The following RABGAP1L variants were observed in gnomAD, a reference collection of about 807,000 sequenced individuals.
RABGAP1L encodes the protein rab GTPase-activating protein 1-like.
A neutral mutation model predicts 137.7 loss-of-function variants in RABGAP1L; 63 were observed. That is an observed-to-expected ratio of 0.46 (90% CI 0.37 to 0.56). The LOEUF is 0.56. Among genes scored for constraint, RABGAP1L ranks in the 20% least tolerant of loss-of-function variants. The pLI, the probability that RABGAP1L is intolerant of heterozygous loss-of-function variation, is 0.00. For missense variants in RABGAP1L, 1,095 were observed against 1,244.0 expected (o/e 0.88, Z 1.80); for synonymous variants, 431 against 433.7 (o/e 0.99, Z 0.08).
At chr1:174,445,033 A>G (rs1654591012) in intron 13 of RABGAP1L, among the ~76,000 whole-genome samples, 1 of 152,112 alleles carries the variant, frequency 6.6e-6, no homozygotes, top group Non-Finnish European at 1.5e-5. Context: ...AATGATAATG[A>G]TGATACCTAC....
At chr1:174,192,195 C>T (rs1667256319) in intron 1 of RABGAP1L, among the ~76,000 whole-genome samples, 1 of 151,984 alleles carries the variant, frequency 6.6e-6, no homozygotes. Flanking sequence ...TTTATGTTGT[C>T]AGTGTGTTTC....
chr1:174,792,904 G>GCGCC (rs1558083761), intron 18 of RABGAP1L, among the ~76,000 whole-genome samples: 1 of 152,144 alleles, frequency 6.6e-6, no homozygotes, highest in Non-Finnish European at 1.5e-5. Context: ...AAGCCAAGGC[G>GCGCC]GGTGGATCAT....
At position 174,244,863 on chromosome 1, in the gene RABGAP1L, T is replaced by TA. The variant is rs139594231; in HGVS notation, c.717+3207dup. 11 of 152,336 alleles carry TA rather than the reference T, an allele frequency of 7.2e-5. No individual in the cohort carries two copies. The East Asian group carries it at 2.1e-3, about 29-fold the overall frequency. The allele number at this position is 152,336 out of a possible 1,614,324, so 9.4% of individuals were successfully genotyped here. A position where few individuals can be genotyped will look rare whatever the true frequency, so the allele number is the denominator to read the frequency against. On this transcript the variant is annotated intron_variant, in intron 5 of 25. Transcript: ENST00000681986. ...TTCTATGCAAAGCAGATTTTGATGA[T>TA]ATTTGTGTGTTTTAGGATACTATTC... is the stretch of plus-strand genomic sequence containing the variant.
At chr1:174,550,497 A>G (rs1201658597) in intron 13 of RABGAP1L, among the ~76,000 whole-genome samples, 1 of 152,166 alleles carries the variant, frequency 6.6e-6, no homozygotes, top group Non-Finnish European at 1.5e-5. Flanking sequence ...TCTGAAAGTC[A>G]GCCAGCGACT....
At chr1:174,780,344 T>C (rs1449811374) in intron 18 of RABGAP1L, among the ~76,000 whole-genome samples, 1 of 152,054 alleles carries the variant, frequency 6.6e-6, no homozygotes, top group Non-Finnish European at 1.5e-5. Flanking sequence ...AAACTGGAAG[T>C]GGACTCAAGA....
chr1:174,792,259 A>G (rs1045353270), intron 18 of RABGAP1L, among the ~76,000 whole-genome samples: 3 of 152,166 alleles, frequency 2.0e-5, no homozygotes, highest in Non-Finnish European at 2.9e-5. Flanking sequence ...TGTTATATCT[A>G]GAGTATCTGT....
At chr1:174,232,972 C>A (rs954565668) in intron 4 of RABGAP1L, among the ~76,000 whole-genome samples, 7 of 152,096 alleles carry the variant, frequency 4.6e-5, no homozygotes, top group African/African-American at 1.4e-4. Context: ...GGTTTACATA[C>A]AACAGATAAT....
chr1:174,551,019 T>TATAC lies in RABGAP1L; in HGVS notation c.1711-86350_1711-86347dup, dbSNP rs1553330339. On this transcript the variant is annotated intron_variant, in intron 13 of 25. Transcript: ENST00000681986. ...ATACACATATATATATATATATATA[T>TATAC]ATACATACACACACACACATATATA... 1.7e-5 allele frequency among the ~76,000 whole-genome samples: 2 copies of TATAC among 116,006 alleles called. 1 individual carries two copies. The highest frequency in any genetic ancestry group is 7.8e-5 in the African/African-American group (2 of 25,710). The allele number at this position is 116,006 out of a possible 152,430, so 76.1% of individuals were successfully genotyped here. A position where few individuals can be genotyped will look rare whatever the true frequency, so the allele number is the denominator to read the frequency against.
intron 19 of RABGAP1L, among the ~76,000 whole-genome samples, chr1:174,857,805 A>G (rs1001666554): frequency 1.6e-4 from 25 of 152,292 alleles, no homozygotes; most frequent in Admixed American, 1.4e-3. Flanking sequence ...GTTGTAATCT[A>G]TGAGAGCAAG....
chr1:174,957,877 T>G, intron 20 of RABGAP1L: 1 of 1,568,398 alleles, frequency 6.4e-7, no homozygotes. Context: ...ACCATAATAT[T>G]TCTTTTCTTT....
At chr1:174,430,471 A>G (rs955288197) in intron 13 of RABGAP1L, among the ~76,000 whole-genome samples, 3 of 152,208 alleles carry the variant, frequency 2.0e-5, no homozygotes, top group Non-Finnish European at 2.9e-5. Context: ...CTAGCATGCA[A>G]TAGACCTTCA....
At position 174,368,831 on chromosome 1, in the gene RABGAP1L, C is replaced by G. The variant is rs181832015; in HGVS notation, c.1466-2148C>G. Among the ~76,000 whole-genome samples the G allele has an allele frequency of 1.9e-3, 292 of 151,584 alleles. 3 individuals are homozygous for G. Among genetic ancestry groups the G allele is most frequent in the African/African-American group, 6.9e-3 (286 of 41,348 alleles). On this transcript the variant is annotated intron_variant, in intron 11 of 25. Coordinates refer to ENST00000681986, the MANE Select transcript of RABGAP1L (RefSeq NM_001366446.1). ...GATTTTGTTCTTATGCTTAGGAATT[C>G]CTTTCCCTACAAGAGTATTATGAAT...
intron 10 of RABGAP1L, among the ~76,000 whole-genome samples, chr1:174,303,939 T>C (rs1677960709): frequency 6.6e-6 from 1 of 152,174 alleles, no homozygotes; most frequent in African/African-American, 2.4e-5. Context: ...TGGACAGGGC[T>C]TCCATGGGAT....
chr1:174,707,938 A>T (rs1680174800), intron 17 of RABGAP1L, among the ~76,000 whole-genome samples: 1 of 152,248 alleles, frequency 6.6e-6, no homozygotes, highest in African/African-American at 2.4e-5. Context: ...CTTTCAGAAG[A>T]CATAAGGAAA....
chr1:174,161,927 C>G (rs1258457590), intron 1 of RABGAP1L, among the ~76,000 whole-genome samples: 1 of 151,962 alleles, frequency 6.6e-6, no homozygotes, highest in African/African-American at 2.4e-5. Context: ...AGTCAAGGGT[C>G]TCACCATGTT....
Position 174,219,250 on chromosome 1 carries a change from T to G in RABGAP1L, c.93T>G (p.Tyr31Ter). Reference sequence around the variant, plus strand: ...AAGAATTTGTTTTGGTTCCTCAGTATGCAGATGATAATTCTACAAAACATG... The same window carrying G: ...AAGAATTTGTTTTGGTTCCTCAGTAGGCAGATGATAATTCTACAAAACATG... Reference protein sequence around the residue: ...NSEEFVLVPQYADDNSTKHEE... With the variant: ...NSEEFVLVPQ Residue 31 changes from tyrosine (Y) to a stop codon, truncating the protein, a stop_gained, in exon 2 of 26, where the codon TAT (tyrosine) becomes TAG (stop). Transcript: ENST00000681986. LOFTEE classifies it high-confidence loss of function. The G allele has an allele frequency of 6.2e-7, 1 of 1,600,340 alleles. No homozygotes were observed. The highest frequency in any genetic ancestry group is 8.5e-7 in the Non-Finnish European group (1 of 1,172,750).
Position 174,403,979 on chromosome 1 carries a change from C to G in RABGAP1L, c.1710+9834C>G, listed in dbSNP as rs960013007. ...GTGTTATATAATCAAGACTAGAAGGCAGGTATTACTCTCATTCACTTATTA... is the reference window on the plus strand; with the variant it reads ...GTGTTATATAATCAAGACTAGAAGGGAGGTATTACTCTCATTCACTTATTA... On this transcript the variant is annotated intron_variant, in intron 13 of 25. Coordinates refer to ENST00000681986, the MANE Select transcript of RABGAP1L (RefSeq NM_001366446.1). Among the ~76,000 whole-genome samples the G allele has an allele frequency of 6.8e-4, 104 of 152,160 alleles. 1 individual carries two copies. The highest frequency in any genetic ancestry group is 2.3e-3 in the African/African-American group (95 of 41,532).
chr1:174,195,391 T>A (rs1481567795), intron 1 of RABGAP1L, among the ~76,000 whole-genome samples: 5 of 152,186 alleles, frequency 3.3e-5, no homozygotes, highest in Admixed American at 6.5e-5. Flanking sequence ...TTTTAATTAA[T>A]TTTTCCCTAT....
chr1:174,980,584 T>C (rs1466933520), intron 23 of RABGAP1L, among the ~76,000 whole-genome samples: 1 of 152,176 alleles, frequency 6.6e-6, no homozygotes, highest in Non-Finnish European at 1.5e-5. Flanking sequence ...GGCATGGAAG[T>C]AGATTAGTGA....
Sources: allele counts gnomAD v4.1 joint callset (sites outside exome capture counted in the v4.1 genomes callset), GRCh38; gene constraint gnomAD v4.1.1; transcripts MANE v1.5; gene names NCBI Gene and HGNC (gene_info 2026-07-23, HGNC 2026-07-21).